The following SOBP variants were observed in gnomAD, a reference collection of about 807,000 sequenced individuals.
SOBP encodes the protein sine oculis-binding protein homolog.
In SOBP, 4 loss-of-function variants were observed where a neutral mutation model predicts 53.6. The ratio of observed to expected loss-of-function variants is 0.07; its 90% CI spans 0.04 to 0.17. The LOEUF is 0.17. Ranked by LOEUF, SOBP falls within the 10% of genes least tolerant of loss-of-function variation. The pLI, the probability that SOBP is intolerant of heterozygous loss-of-function variation, is 1.00. For missense variants in SOBP, 1,088 were observed against 1,204.7 expected (o/e 0.90, Z 1.43); for synonymous variants, 584 against 522.6 (o/e 1.12, Z -1.60).
At chr6:107,630,672 G>A (rs1392307164) in intron 5 of SOBP, among the ~76,000 whole-genome samples, 2 of 151,868 alleles carry the variant, frequency 1.3e-5, no homozygotes, top group Non-Finnish European at 2.9e-5. Flanking sequence ...CAGAAAGATT[G>A]CTTTTCTGTA....
At chr6:107,504,529 C>T (rs573405419) in intron 2 of SOBP, among the ~76,000 whole-genome samples, 2 of 152,238 alleles carry the variant, frequency 1.3e-5, no homozygotes, top group South Asian at 4.1e-4. Context: ...TGAGAGCTTG[C>T]TTGTCAAAGA....
intron 5 of SOBP, among the ~76,000 whole-genome samples, chr6:107,622,520 GTC>G (rs1180107638): frequency 1.3e-5 from 2 of 152,208 alleles, no homozygotes; most frequent in African/African-American, 4.8e-5. Context: ...GACTTCCAAA[GTC>G]TCTCTGCCAA....
At chr6:107,516,089 A>AACAGAAC (rs369820326) in intron 3 of SOBP, among the ~76,000 whole-genome samples, 1 of 152,184 alleles carries the variant, frequency 6.6e-6, no homozygotes, top group African/African-American at 2.4e-5. Flanking sequence ...AAAGGTTATC[A>AACAGAAC]ACAGAACACT....
intron 5 of SOBP, among the ~76,000 whole-genome samples, chr6:107,615,945 C>A (rs1786765894): frequency 6.6e-6 from 1 of 151,176 alleles, no homozygotes. Flanking sequence ...TCACTTGAGC[C>A]CAGGAGATCA....
chr6:107,654,377 G>A (rs1771929006), intron 6 of SOBP, among the ~76,000 whole-genome samples: 1 of 152,144 alleles, frequency 6.6e-6, no homozygotes, highest in South Asian at 2.1e-4. Context: ...CAAGTGTGAG[G>A]TACAATTGTG....
intron 4 of SOBP, among the ~76,000 whole-genome samples, chr6:107,559,180 T>G (rs1784704438): frequency 6.6e-6 from 1 of 152,074 alleles, no homozygotes; most frequent in Non-Finnish European, 1.5e-5. Flanking sequence ...GTTAACCAAA[T>G]AAGATTAAAT....
At chr6:107,627,811 G>A (rs879573903) in intron 5 of SOBP, among the ~76,000 whole-genome samples, 1 of 152,070 alleles carries the variant, frequency 6.6e-6, no homozygotes, top group Admixed American at 6.5e-5. Flanking sequence ...TCTCAATTCC[G>A]TATGGCTTTG....
chr6:107,534,307 T>C (rs1783927485), intron 4 of SOBP, among the ~76,000 whole-genome samples: 1 of 152,166 alleles, frequency 6.6e-6, no homozygotes, highest in Non-Finnish European at 1.5e-5. Context: ...GGATGGGAAA[T>C]GGAATGCATG....
intron 5 of SOBP, among the ~76,000 whole-genome samples, chr6:107,625,411 C>G (rs1770413810): frequency 6.6e-6 from 1 of 152,194 alleles, no homozygotes; most frequent in Non-Finnish European, 1.5e-5. Flanking sequence ...AGCCCATAGC[C>G]AGGTGCCTGG....
At position 107,634,242 on chromosome 6, in the gene SOBP, C is replaced by A. The variant is rs756706588; in HGVS notation, c.1398C>A (p.Pro466=). Residue 466 remains proline, a synonymous_variant, in exon 6 of 7, where the codon CCC becomes CCA. Transcript: ENST00000317357. The surrounding 1 kb of genome is among the most constrained non-coding windows in gnomAD (Gnocchi z 4.5). ...LSPHIHPPST[P]TMPGNPPGLL... is the part of the protein sequence containing the mutation. ...CCCACATCCACCCCCCGAGCACCCC[C>A]ACCATGCCCGGGAACCCCCCAGGCC... is the stretch of plus-strand genomic sequence containing the variant. 13 of 1,581,374 alleles carry A rather than the reference C, an allele frequency of 8.2e-6. No homozygotes were observed. The highest frequency in any genetic ancestry group is 1.0e-5 in the Non-Finnish European group (12 of 1,168,702).
At chr6:107,573,591 T>C (rs1034102848) in intron 4 of SOBP, among the ~76,000 whole-genome samples, 3 of 152,322 alleles carry the variant, frequency 2.0e-5, no homozygotes, top group Admixed American at 6.5e-5. Context: ...AAACTTGGGT[T>C]GGAGTGGCAC....
At chr6:107,626,869 G>A (rs1381630115) in intron 5 of SOBP, among the ~76,000 whole-genome samples, 1 of 152,170 alleles carries the variant, frequency 6.6e-6, no homozygotes, top group African/African-American at 2.4e-5. Context: ...TGAGCACTGA[G>A]GCTCAGAGGG....
chr6:107,621,519 C>G (rs1008996986), intron 5 of SOBP, among the ~76,000 whole-genome samples: 1 of 152,288 alleles, frequency 6.6e-6, no homozygotes, highest in Admixed American at 6.5e-5. Context: ...ATCCCTCCCA[C>G]GTATCTAGGA....
chr6:107,565,615 G>C (rs950906596), intron 4 of SOBP, among the ~76,000 whole-genome samples: 7 of 152,142 alleles, frequency 4.6e-5, no homozygotes, highest in African/African-American at 1.7e-4. Context: ...GATAGGTGTG[G>C]GATGAATGGG....
intron 4 of SOBP, among the ~76,000 whole-genome samples, chr6:107,535,582 A>C (rs1262624039): frequency 6.7e-6 from 1 of 149,048 alleles, no homozygotes; most frequent in African/African-American, 2.5e-5. Flanking sequence ...CCTTCCTTAT[A>C]TATCCCAAAG....
At chr6:107,656,297 A>AAAACAGAAAGAAAGAAAGAC (rs10636097) in intron 6 of SOBP, among the ~76,000 whole-genome samples, 1 of 22,508 alleles carries the variant, frequency 4.4e-5, no homozygotes, top group East Asian at 7.6e-4. Context: ...AAAAGAAAGA[A>AAAACAGAAAGAAAGAAAGAC]AGAAAGAAAG....
chr6:107,547,002 T>C (rs1261365402), intron 4 of SOBP, among the ~76,000 whole-genome samples: 1 of 152,188 alleles, frequency 6.6e-6, no homozygotes, highest in African/African-American at 2.4e-5. Flanking sequence ...CCCAGGGGTT[T>C]ATATTAGGAG....
chr6:107,588,281 C>T (rs9398135), intron 5 of SOBP, among the ~76,000 whole-genome samples: 10,359 of 152,176 alleles, frequency 0.068, 626 homozygotes, highest in East Asian at 0.29. Context: ...CCATTCTAGC[C>T]GCAGTAGCTA....
Position 107,529,539 on chromosome 6 carries a change from G to A in SOBP, c.422-3920G>A, listed in dbSNP as rs1024876595. On this transcript the variant is annotated intron_variant, in intron 3 of 6. Coordinates refer to ENST00000317357, the MANE Select transcript of SOBP (RefSeq NM_018013.4). Reference sequence around the variant, plus strand: ...CTTGGACTCCCATGAAAGTTACAAAGGGGTGGTAAATCTACAGTTTAATTG... The same window carrying A: ...CTTGGACTCCCATGAAAGTTACAAAAGGGTGGTAAATCTACAGTTTAATTG... The A allele has an allele frequency of 3.0e-6, 3 of 985,296 alleles. No individual in the cohort carries two copies. The East Asian group carries it at 3.4e-4, about 112-fold the overall frequency. 61.0% of individuals were successfully genotyped at this position (985,296 alleles called of 1,614,324 possible). A position where few individuals can be genotyped will look rare whatever the true frequency, so the allele number is the denominator to read the frequency against.
Sources: allele counts gnomAD v4.1 joint callset (sites outside exome capture counted in the v4.1 genomes callset), GRCh38; gene constraint gnomAD v4.1.1; non-coding constraint Gnocchi (gnomAD v3.1); transcripts MANE v1.5; gene names NCBI Gene and HGNC (gene_info 2026-07-23, HGNC 2026-07-21).